PIK3C2A: variants seen among roughly 807,000 people sequenced by gnomAD.
The protein encoded by PIK3C2A is phosphatidylinositol 4-phosphate 3-kinase C2 domain-containing subunit alpha.
PIK3C2A carries 97 observed loss-of-function variants against 204.5 expected under a neutral mutation model. The ratio of observed to expected loss-of-function variants is 0.47; its 90% CI spans 0.40 to 0.56. The LOEUF (loss-of-function observed/expected upper bound fraction) is 0.56, where lower values mean the gene tolerates loss of function less well. Ranked by LOEUF, PIK3C2A falls within the 20% of genes least tolerant of loss-of-function variation. PIK3C2A has a pLI of 0.00. For synonymous variants in PIK3C2A, 653 were observed against 664.4 expected (o/e 0.98, Z 0.26); for missense variants, 1,735 against 1,969.2 (o/e 0.88, Z 2.25).
chr11:17,097,283 A>AT lies in PIK3C2A; in HGVS notation c.4119-20dup. The stretch of plus-strand genomic sequence containing the variant: ...AATAAGCCTACAAAATAATCAGAAA[A>AT]TTCGTTAACAGTAAATGAGAACACA... On this transcript the variant is annotated intron_variant, in intron 26 of 32. Transcript: ENST00000691414. 6.6e-7 allele frequency: 1 copy of AT among 1,511,294 alleles called. No homozygotes were observed. The allele number at this position is 1,511,294 out of a possible 1,614,324, so 93.6% of individuals were successfully genotyped here.
chr11:17,186,405 G>A (rs1275430377), intron 1 of PIK3C2A, among the ~76,000 whole-genome samples: 1 of 151,810 alleles, frequency 6.6e-6, no homozygotes, highest in African/African-American at 2.4e-5. Context: ...TTATTTGTCT[G>A]GTTTACTGCT....
At position 17,091,978 on chromosome 11, in the gene PIK3C2A, G is replaced by A. The variant is rs1848324155; in HGVS notation, c.4642+18C>T. On this transcript the variant is annotated intron_variant, in intron 30 of 32. Transcript: ENST00000691414. ...GCAGATCATGAGTTACCAATAAAGA[G>A]AAAAAAAATAATCTCACCTGCAGAC... 6.5e-7 allele frequency: 1 copy of A among 1,535,956 alleles called. No individual in the cohort carries two copies. The highest frequency in any genetic ancestry group is 1.4e-5 in the African/African-American group (1 of 73,390).
At position 17,091,322 on chromosome 11, in the gene PIK3C2A, A is replaced by T. The variant is rs1565233023; in HGVS notation, c.4878+12T>A. On this transcript the variant is annotated intron_variant, in intron 32 of 32. Coordinates refer to ENST00000691414, the MANE Select transcript of PIK3C2A (RefSeq NM_002645.4). ...TAAACCAAGGAAACTTCTAGAAATGATTTTAACTTACCATTTCATTGAATG... is the reference window on the plus strand; with the variant it reads ...TAAACCAAGGAAACTTCTAGAAATGTTTTTAACTTACCATTTCATTGAATG... The T allele has an allele frequency of 1.2e-6, 2 of 1,602,408 alleles. No individual in the cohort carries two copies. The highest frequency in any genetic ancestry group is 2.3e-5 in the South Asian group (2 of 88,640).
chr11:17,182,888 G>A (rs1038816394), intron 1 of PIK3C2A, among the ~76,000 whole-genome samples: 3 of 152,062 alleles, frequency 2.0e-5, no homozygotes, highest in African/African-American at 2.4e-5. Flanking sequence ...TCGCCAGGCC[G>A]AAGTGAAGCA....
intron 2 of PIK3C2A, among the ~76,000 whole-genome samples, chr11:17,164,599 T>A (rs963901738): frequency 6.6e-6 from 1 of 152,206 alleles, no homozygotes; most frequent in Non-Finnish European, 1.5e-5. Context: ...CACTCTCTGA[T>A]TGATCCCCTG....
chr11:17,101,124 C>T (rs1590903874), intron 25 of PIK3C2A, among the ~76,000 whole-genome samples, 154 bp downstream of exon 25: 1 of 152,208 alleles, frequency 6.6e-6, no homozygotes, highest in East Asian at 1.9e-4. Flanking sequence ...GCTTATTTCA[C>T]ACGGCAGTAA....
intron 21 of PIK3C2A, 72 bp downstream of exon 21, chr11:17,112,502 C>T (rs1849033198): frequency 2.3e-5 from 16 of 683,202 alleles, no homozygotes; most frequent in South Asian, 1.9e-4. Context: ...ATCACCTTTG[C>T]AATTTTGGGA....
At position 17,193,874 on chromosome 11, in the gene PIK3C2A, A is replaced by AGGGG. The variant is rs1565305818; in HGVS notation, c.-66+13973_-66+13974insCCCC. On this transcript the variant is annotated intron_variant, in intron 1 of 32. Transcript: ENST00000691414. ...AAAGAAAAGAAAAGAAAAGAAAAGAAAAGAAAAGAAAAGAAAAGAAAAGAA... is the reference window on the plus strand; with the variant it reads ...AAAGAAAAGAAAAGAAAAGAAAAGAAGGGGAAGAAAAGAAAAGAAAAGAAAAGAA... 5.4e-5 allele frequency: 6 copies of AGGGG among 111,056 alleles called. 1 individual carries two copies. The highest frequency in any genetic ancestry group is 2.2e-4 in the African/African-American group (3 of 13,934). 6.9% of individuals were successfully genotyped at this position (111,056 alleles called of 1,614,324 possible).
chr11:17,196,474 CAAACAAGT>C (rs1852160228), intron 1 of PIK3C2A, among the ~76,000 whole-genome samples: 1 of 152,066 alleles, frequency 6.6e-6, no homozygotes, highest in Non-Finnish European at 1.5e-5. Flanking sequence ...TGGTTTGATT[CAAACAAGT>C]AAACAAAATG....
At chr11:17,105,795 A>G (rs11024159) in intron 22 of PIK3C2A, among the ~76,000 whole-genome samples, 64,243 of 152,008 alleles carry the variant, frequency 0.42, 13,906 homozygotes, top group Non-Finnish European at 0.47. Context: ...GAAACCAGCT[A>G]GCAATTGTTA....
At chr11:17,177,377 A>C (rs1331803206) in intron 1 of PIK3C2A, among the ~76,000 whole-genome samples, 1 of 152,204 alleles carries the variant, frequency 6.6e-6, no homozygotes, top group East Asian at 1.9e-4. Flanking sequence ...CAGTTGAATG[A>C]ATGGATCAAT....
At chr11:17,128,836 G>C (rs1000952568) in intron 13 of PIK3C2A, among the ~76,000 whole-genome samples, 1 of 152,162 alleles carries the variant, frequency 6.6e-6, no homozygotes, top group Non-Finnish European at 1.5e-5. Flanking sequence ...GGCAATTAAA[G>C]ACTAGGGGCA....
intron 3 of PIK3C2A, among the ~76,000 whole-genome samples, chr11:17,151,100 G>A (rs766136072): frequency 3.9e-5 from 6 of 151,974 alleles, no homozygotes; most frequent in African/African-American, 9.7e-5. Context: ...GACCTTTTTC[G>A]TACAAACATT....
At chr11:17,145,486 C>T (rs1419215923) in intron 8 of PIK3C2A, among the ~76,000 whole-genome samples, 182 bp downstream of exon 8, 1 of 152,122 alleles carries the variant, frequency 6.6e-6, no homozygotes, top group Non-Finnish European at 1.5e-5. Flanking sequence ...TTTAAGTTTC[C>T]TGAGGCCTCC....
chr11:17,116,779 C>T (rs1409366648), intron 19 of PIK3C2A, among the ~76,000 whole-genome samples: 2 of 151,904 alleles, frequency 1.3e-5, no homozygotes, highest in Admixed American at 6.6e-5. Context: ...TTAGTAGAGA[C>T]GGGGTTTCAC....
chr11:17,101,179 A>G lies in PIK3C2A; in HGVS notation c.4008+99T>C, dbSNP rs542082704. The G allele has an allele frequency of 9.6e-6, 7 of 728,864 alleles. No homozygotes were observed. The East Asian group carries it at 1.3e-4, about 14-fold the overall frequency. The allele number at this position is 728,864 out of a possible 1,614,324, so 45.1% of individuals were successfully genotyped here. A position where few individuals can be genotyped will look rare whatever the true frequency, so the allele number is the denominator to read the frequency against. On this transcript the variant is annotated intron_variant, in intron 25 of 32. Coordinates refer to ENST00000691414, the MANE Select transcript of PIK3C2A (RefSeq NM_002645.4). The stretch of plus-strand genomic sequence containing the variant: ...TAATGTATCTGACATTTGTGACTAA[A>G]GCAAATTTTATTCCAAAATCACAAA...
At chr11:17,170,385 T>C (rs1565289150) in intron 1 of PIK3C2A, among the ~76,000 whole-genome samples, 1 of 152,194 alleles carries the variant, frequency 6.6e-6, no homozygotes, top group Non-Finnish European at 1.5e-5. Context: ...TAATGTAACA[T>C]GGATTTGAAT....
intron 19 of PIK3C2A, among the ~76,000 whole-genome samples, chr11:17,117,068 T>C (rs1254302025): frequency 6.6e-6 from 1 of 152,136 alleles, no homozygotes; most frequent in African/African-American, 2.4e-5. Context: ...TGAAAGAAAC[T>C]AGACAGAAAA....
In PIK3C2A at chr11:17,182,567, CA is replaced by C. The variant is rs11453658; in HGVS notation, c.-65-12762del. 3.1e-3 allele frequency among the ~76,000 whole-genome samples: 285 copies of C among 91,788 alleles called. 2 individuals carry two copies. Among genetic ancestry groups the C allele is most frequent in the Middle Eastern group, 0.012 (2 of 166 alleles). The allele number at this position is 91,788 out of a possible 152,430, so 60.2% of individuals were successfully genotyped here. On this transcript the variant is annotated intron_variant, in intron 1 of 32. Coordinates refer to ENST00000691414, the MANE Select transcript of PIK3C2A (RefSeq NM_002645.4). ...TGGACGACAGAACAAGACCCTGTCT[CA>C]AAAAAAAAAAAAAAAAAAGTTCGAC... is the stretch of plus-strand genomic sequence containing the variant.
Sources: allele counts gnomAD v4.1 joint callset (sites outside exome capture counted in the v4.1 genomes callset), GRCh38; gene constraint gnomAD v4.1.1; transcripts MANE v1.5; gene names NCBI Gene and HGNC (gene_info 2026-07-23, HGNC 2026-07-21).